Variants in TMEM203 observed in about 807,000 individuals in gnomAD.
TMEM203 encodes HBeAg-binding protein 1.
In TMEM203, 4 loss-of-function variants were observed where a neutral mutation model predicts 7.9. The ratio of observed to expected loss-of-function variants is 0.51; its 90% confidence interval spans 0.25 to 1.16. The LOEUF (loss-of-function observed/expected upper bound fraction) is 1.16, where lower values mean the gene tolerates loss of function less well. Ranked by LOEUF, TMEM203 falls within the 50% of genes most tolerant of loss-of-function variation. The pLI, the probability that TMEM203 is intolerant of heterozygous loss-of-function variation, is 0.15. For synonymous variants in TMEM203, 92 were observed against 82.5 expected, an observed-to-expected ratio of 1.11 and a Z score of -0.62; for missense variants, 127 against 174.4, an observed-to-expected ratio of 0.73 and a Z score of 1.53.
rs1834913003 is a variant in TMEM203 at position 137,205,643 on chromosome 9, C to T, written c.-229G>A. On this transcript the variant is annotated 5_prime_UTR_variant, in exon 1 of 1. Coordinates refer to ENST00000343666, the MANE Select transcript of TMEM203 (RefSeq NM_053045.2). Reference sequence around the variant, plus strand: ...CGCCCGCCTCGATCGGACGCCATGCCCCCACAGGGCGCGTCCCTAGTGCGT... The same window carrying T: ...CGCCCGCCTCGATCGGACGCCATGCTCCCACAGGGCGCGTCCCTAGTGCGT... 6.9e-7 allele frequency: 1 copy of T among 1,446,218 alleles called. No homozygotes were observed. 89.6% of individuals were successfully genotyped at this position (1,446,218 alleles called of 1,614,324 possible).
rs989396945 is a variant in TMEM203 at position 137,205,603 on chromosome 9, C to G, written c.-189G>C. 7.7e-7 allele frequency: 1 copy of G among 1,295,470 alleles called. No homozygotes were observed. The highest frequency in any genetic ancestry group is 2.6e-5 in the East Asian group (1 of 38,204). The allele number at this position is 1,295,470 out of a possible 1,614,324, so 80.2% of individuals were successfully genotyped here. On this transcript the variant is annotated 5_prime_UTR_variant, in exon 1 of 1. Coordinates refer to ENST00000343666, the MANE Select transcript of TMEM203 (RefSeq NM_053045.2). The stretch of plus-strand genomic sequence containing the variant: ...CCCGGCCCCGACCCGGGACTCAACC[C>G]TGGCCGCCCGTGAACGCCCGCCTCG...
In TMEM203 at chr9:137,205,640, TG is replaced by T; in HGVS notation, c.-227del. 1 of 1,430,728 alleles carries T rather than the reference TG, an allele frequency of 7.0e-7. No homozygotes were observed. The highest frequency in any genetic ancestry group is 9.5e-7 in the Non-Finnish European group (1 of 1,049,940). The allele number at this position is 1,430,728 out of a possible 1,614,324, so 88.6% of individuals were successfully genotyped here. ...GAACGCCCGCCTCGATCGGACGCCA[TG>T]CCCCCACAGGGCGCGTCCCTAGTGC... On this transcript the variant is annotated 5_prime_UTR_variant, in exon 1 of 1. Transcript: ENST00000343666.
Position 137,204,423 on chromosome 9 carries a change from T to C in TMEM203, c.*581A>G, listed in dbSNP as rs1834878181. 1.3e-5 allele frequency: 2 copies of C among 152,610 alleles called. No homozygotes were observed. Among genetic ancestry groups the C allele is most frequent in the South Asian group, 2.1e-4 (1 of 4,876 alleles). 9.5% of individuals were successfully genotyped at this position (152,610 alleles called of 1,614,324 possible). On this transcript the variant is annotated 3_prime_UTR_variant, in exon 1 of 1. Transcript: ENST00000343666. The stretch of plus-strand genomic sequence containing the variant: ...AGACAGGACTCTAATCGTGCTCTTA[T>C]TCAACATTCTTCTGTCTCTGCCTAG...
At position 137,205,630 on chromosome 9, in the gene TMEM203, T is replaced by C; in HGVS notation, c.-216A>G. 13 of 1,386,478 alleles carry C rather than the reference T, an allele frequency of 9.4e-6. No homozygotes were observed. Among genetic ancestry groups the C allele is most frequent in the Non-Finnish European group, 1.3e-5 (13 of 1,018,360 alleles). The allele number at this position is 1,386,478 out of a possible 1,614,324, so 85.9% of individuals were successfully genotyped here. A position where few individuals can be genotyped will look rare whatever the true frequency, so the allele number is the denominator to read the frequency against. Reference sequence around the variant, plus strand: ...GGCCGCCCGTGAACGCCCGCCTCGATCGGACGCCATGCCCCCACAGGGCGC... The same window carrying C: ...GGCCGCCCGTGAACGCCCGCCTCGACCGGACGCCATGCCCCCACAGGGCGC... On this transcript the variant is annotated 5_prime_UTR_variant, in exon 1 of 1. Transcript: ENST00000343666.
In TMEM203 at chr9:137,205,056, G is replaced by A; in HGVS notation, c.359C>T (p.Pro120Leu). Residue 120 changes from proline (P) to leucine (L), a missense_variant, in exon 1 of 1, where the codon CCG (proline) becomes CTG (leucine). Pro to Leu is a moderately conservative substitution (Grantham distance 98). Transcript: ENST00000343666. ...GAGCAGCTGCAGGAGAATGAAGAGC[G>A]GGGACGTAATGAGGCCGAACCAGAG... ...RELWFGLITSPLFILLQLLMI... is the reference protein window; with the variant it reads ...RELWFGLITSLLFILLQLLMI... 2 of 1,612,796 alleles carry A rather than the reference G, an allele frequency of 1.2e-6. No homozygotes were observed. Among genetic ancestry groups the A allele is most frequent in the Non-Finnish European group, 1.7e-6 (2 of 1,179,902 alleles).
At position 137,205,487 on chromosome 9, in the gene TMEM203, C is replaced by A; in HGVS notation, c.-73G>T. ...GGGGCTGCGTCTCCTCTCCCCGTGG[C>A]CCTCGCCCGCGCCTGCCGCCGCTGC... On this transcript the variant is annotated 5_prime_UTR_variant, in exon 1 of 1. Transcript: ENST00000343666. The A allele has an allele frequency of 7.4e-7, 1 of 1,343,274 alleles. No homozygotes were observed. Among genetic ancestry groups the A allele is most frequent in the Non-Finnish European group, 9.6e-7 (1 of 1,045,290 alleles). The allele number at this position is 1,343,274 out of a possible 1,614,324, so 83.2% of individuals were successfully genotyped here. A position where few individuals can be genotyped will look rare whatever the true frequency, so the allele number is the denominator to read the frequency against.
In TMEM203 at chr9:137,205,540, G is replaced by A. The variant is rs995345442; in HGVS notation, c.-126C>T. The A allele has an allele frequency of 9.4e-4, 1,136 of 1,208,166 alleles. No individual in the cohort carries two copies. The highest frequency in any genetic ancestry group is 1.2e-3 in the Non-Finnish European group (1,099 of 930,786). The allele number at this position is 1,208,166 out of a possible 1,614,324, so 74.8% of individuals were successfully genotyped here. ...CGAGCGAGAGGCAGCGAGCGGCCCC[G>A]CCAGCCCCAGCCCTCGGCCCTGATG... is the stretch of plus-strand genomic sequence containing the variant. On this transcript the variant is annotated 5_prime_UTR_variant, in exon 1 of 1. Coordinates refer to ENST00000343666, the MANE Select transcript of TMEM203 (RefSeq NM_053045.2).
At position 137,204,527 on chromosome 9, in the gene TMEM203, G is replaced by A. The variant is rs1834880494; in HGVS notation, c.*477C>T. The A allele has an allele frequency of 6.4e-6, 1 of 156,510 alleles. No homozygotes were observed. The highest frequency in any genetic ancestry group is 6.3e-5 in the Admixed American group (1 of 15,980). The allele number at this position is 156,510 out of a possible 1,614,324, so 9.7% of individuals were successfully genotyped here. ...GTTTACATGTGATAGATCTAACAAAGGCATCTACCGAAGTCTGGTCTGGAT... is the reference window on the plus strand; with the variant it reads ...GTTTACATGTGATAGATCTAACAAAAGCATCTACCGAAGTCTGGTCTGGAT... On this transcript the variant is annotated 3_prime_UTR_variant, in exon 1 of 1. Transcript: ENST00000343666.
Position 137,204,934 on chromosome 9 carries a change from G to A in TMEM203, c.*70C>T. 3 of 1,527,488 alleles carry A rather than the reference G, an allele frequency of 2.0e-6. No homozygotes were observed. Among genetic ancestry groups the A allele is most frequent in the South Asian group, 1.3e-5 (1 of 78,698 alleles). 94.6% of individuals were successfully genotyped at this position (1,527,488 alleles called of 1,614,324 possible). A position where few individuals can be genotyped will look rare whatever the true frequency, so the allele number is the denominator to read the frequency against. ...TAGAGAGCCTCTCCTCCGGTGCGCT[G>A]CAAGTAGGGCCTCGGCTCGAGGTCA... On this transcript the variant is annotated 3_prime_UTR_variant, in exon 1 of 1. Transcript: ENST00000343666.
rs1046328370 is a variant in TMEM203, at chr9:137,204,880, C to A, written c.*124G>T. Reference sequence around the variant, plus strand: ...TGGAATAGGGAAACCCGGCACTCAGCTCGGCGCAAGCCGGCGGTGCCTTCA... The same window carrying A: ...TGGAATAGGGAAACCCGGCACTCAGATCGGCGCAAGCCGGCGGTGCCTTCA... On this transcript the variant is annotated 3_prime_UTR_variant, in exon 1 of 1. Transcript: ENST00000343666. 1 of 1,338,240 alleles carries A rather than the reference C, an allele frequency of 7.5e-7. No individual in the cohort carries two copies. Among genetic ancestry groups the A allele is most frequent in the Non-Finnish European group, 1.0e-6 (1 of 1,004,418 alleles). The allele number at this position is 1,338,240 out of a possible 1,614,324, so 82.9% of individuals were successfully genotyped here.
rs985290864 is a variant in TMEM203, at chr9:137,205,586, C to G, written c.-172G>C. On this transcript the variant is annotated 5_prime_UTR_variant, in exon 1 of 1. Coordinates refer to ENST00000343666, the MANE Select transcript of TMEM203 (RefSeq NM_053045.2). ...TGATGCGCCGGCAATCCCCCGGCCC[C>G]GACCCGGGACTCAACCCTGGCCGCC... is the stretch of plus-strand genomic sequence containing the variant. The G allele has an allele frequency of 1.4e-5, 17 of 1,210,268 alleles. No individual in the cohort carries two copies. The African/African-American group carries it at 2.6e-4, about 18-fold the overall frequency. 75.0% of individuals were successfully genotyped at this position (1,210,268 alleles called of 1,614,324 possible).
rs1834886485 is a variant in TMEM203 at position 137,204,765 on chromosome 9, T to A, written c.*239A>T. The stretch of plus-strand genomic sequence containing the variant: ...TCCTCATGACCTCAATTCAGGATTA[T>A]CTACTCAAAGCATTAAACAAAAGGA... On this transcript the variant is annotated 3_prime_UTR_variant, in exon 1 of 1. Coordinates refer to ENST00000343666, the MANE Select transcript of TMEM203 (RefSeq NM_053045.2). The A allele has an allele frequency of 1.8e-6, 1 of 567,562 alleles. No homozygotes were observed. The highest frequency in any genetic ancestry group is 3.3e-5 in the Admixed American group (1 of 29,862). 35.2% of individuals were successfully genotyped at this position (567,562 alleles called of 1,614,324 possible).
rs138342310 is a variant in TMEM203 at position 137,205,232 on chromosome 9, G to C, written c.183C>G (p.Thr61=). The C allele has an allele frequency of 1.2e-6, 2 of 1,612,038 alleles. No individual in the cohort carries two copies. The highest frequency in any genetic ancestry group is 2.2e-5 in the East Asian group (1 of 44,840). ...GCACGGACACGATGGTGGTGAAGTA[G>C]GTGCTGAGCCCGTCAGCGGCGAAGA... The part of the protein sequence containing the change: ...VPFFAADGLS[T]YFTTIVSVRL... Residue 61 remains threonine, a synonymous_variant, in exon 1 of 1, where the codon ACC becomes ACG. Transcript: ENST00000343666.
chr9:137,205,588 A>C lies in TMEM203; in HGVS notation c.-174T>G. On this transcript the variant is annotated 5_prime_UTR_variant, in exon 1 of 1. Transcript: ENST00000343666. ...ATGCGCCGGCAATCCCCCGGCCCCG[A>C]CCCGGGACTCAACCCTGGCCGCCCG... 8.2e-7 allele frequency: 1 copy of C among 1,225,716 alleles called. No homozygotes were observed. The highest frequency in any genetic ancestry group is 1.1e-6 in the Non-Finnish European group (1 of 909,904). 75.9% of individuals were successfully genotyped at this position (1,225,716 alleles called of 1,614,324 possible).
chr9:137,205,150 T>C lies in TMEM203; in HGVS notation c.265A>G (p.Thr89Ala), dbSNP rs1449639173. The change falls in exon 1 of 1, where the codon ACG becomes GCG. Residue 89 changes from threonine to alanine, a missense_variant. Coordinates refer to ENST00000343666, the MANE Select transcript of TMEM203 (RefSeq NM_053045.2). ...AAGACGAACTTGAGACTCAGGACCG[T>C]AAGTACCCAGAAAAGGCGGAGCACC... ...LAVLRLFWVL[T>A]VLSLKFVFEM... 1.9e-6 allele frequency: 3 copies of C among 1,612,770 alleles called. No individual in the cohort carries two copies. The South Asian group carries it at 3.3e-5, about 18-fold the overall frequency.
chr9:137,204,826 C>T lies in TMEM203; in HGVS notation c.*178G>A. 1.3e-6 allele frequency: 1 copy of T among 766,728 alleles called. No individual in the cohort carries two copies. The highest frequency in any genetic ancestry group is 2.0e-6 in the Non-Finnish European group (1 of 492,900). The allele number at this position is 766,728 out of a possible 1,614,324, so 47.5% of individuals were successfully genotyped here. A position where few individuals can be genotyped will look rare whatever the true frequency, so the allele number is the denominator to read the frequency against. On this transcript the variant is annotated 3_prime_UTR_variant, in exon 1 of 1. Coordinates refer to ENST00000343666, the MANE Select transcript of TMEM203 (RefSeq NM_053045.2). ...CAGGATGAAGGCTGCTCTTTTAAGC[C>T]CTGCTGAAGAAACCATTTCAAACAG...
At position 137,205,426 on chromosome 9, in the gene TMEM203, A is replaced by G; in HGVS notation, c.-12T>C. On this transcript the variant is annotated 5_prime_UTR_variant, in exon 1 of 1. Coordinates refer to ENST00000343666, the MANE Select transcript of TMEM203 (RefSeq NM_053045.2). ...AGCGAGAAGAGCATCGCGCCCGTTG[A>G]GCGCGGGCCGGGGCCCGGCCGAGCG... The G allele has an allele frequency of 6.5e-7, 1 of 1,538,430 alleles. No individual in the cohort carries two copies. Among genetic ancestry groups the G allele is most frequent in the Non-Finnish European group, 8.8e-7 (1 of 1,138,120 alleles).
chr9:137,204,987 C>G lies in TMEM203; in HGVS notation c.*17G>C, dbSNP rs762876870. 6.3e-7 allele frequency: 1 copy of G among 1,594,726 alleles called. No homozygotes were observed. Among genetic ancestry groups the G allele is most frequent in the South Asian group, 1.1e-5 (1 of 89,756 alleles). On this transcript the variant is annotated 3_prime_UTR_variant, in exon 1 of 1. Coordinates refer to ENST00000343666, the MANE Select transcript of TMEM203 (RefSeq NM_053045.2). ...ATTCTAGTTGTCCAGCGCTCCCTCT[C>G]CGGCACCTCGGTGAGGCTAGTTGAC...
Position 137,205,273 on chromosome 9 carries a change from T to C in TMEM203, c.142A>G (p.Asn48Asp), listed in dbSNP as rs769442839. 9 of 1,611,240 alleles carry C rather than the reference T, an allele frequency of 5.6e-6. No individual in the cohort carries two copies. In the Admixed American group the frequency reaches 1.2e-4, roughly 21 times the overall value. Residue 48 changes from asparagine (N) to aspartate (D), a missense_variant, in exon 1 of 1, where the codon AAC becomes GAC. Physicochemically the swap from Asn to Asp is conservative, Grantham distance 23. Transcript: ENST00000343666. Reference protein sequence around the residue: ...DGLVPGLSWWNVFVPFFAADG... With the variant: ...DGLVPGLSWWDVFVPFFAADG... The stretch of plus-strand genomic sequence containing the variant: ...GCGGCGAAGAAAGGCACGAACACGT[T>C]CCACCAGGAGAGGCCCGGGACCAGG...
Sources: allele counts gnomAD v4.1 joint callset, GRCh38; gene constraint gnomAD v4.1.1; transcripts MANE v1.5; gene names NCBI Gene and HGNC (gene_info 2026-07-23, HGNC 2026-07-21).